The following DCLK1 variants were observed in gnomAD, a reference collection of about 807,000 sequenced individuals.
DCLK1 encodes serine/threonine-protein kinase DCLK1.
In DCLK1, 16 loss-of-function variants were observed where a neutral mutation model predicts 86.2. That is an observed-to-expected ratio of 0.19 (90% CI 0.13 to 0.28). DCLK1 has a LOEUF of 0.28. DCLK1 is among the 10% of genes least tolerant of loss of function. DCLK1 has a pLI of 1.00. For missense variants in DCLK1, 590 were observed against 940.2 expected, an observed-to-expected ratio of 0.63 and a Z score of 4.87; for synonymous variants, 369 against 370.5, an observed-to-expected ratio of 1.00 and a Z score of 0.05.
chr13:36,040,672 G>A (rs890803524), intron 3 of DCLK1, among the ~76,000 whole-genome samples: 5 of 151,802 alleles, frequency 3.3e-5, no homozygotes, highest in African/African-American at 1.2e-4. Context: ...TTAAGGAGTG[G>A]GGAGTTATGT....
intron 3 of DCLK1, among the ~76,000 whole-genome samples, chr13:36,106,519 T>C (rs1289306975): frequency 6.6e-6 from 1 of 152,216 alleles, no homozygotes; most frequent in East Asian, 1.9e-4. Context: ...AACTGTTTTT[T>C]TACTCCAATC....
intron 3 of DCLK1, among the ~76,000 whole-genome samples, chr13:36,097,414 T>A (rs1885056304): frequency 6.6e-6 from 1 of 152,236 alleles, no homozygotes; most frequent in African/African-American, 2.4e-5. Context: ...ATTTTAAAGT[T>A]GACATGTTTT....
chr13:35,972,259 C>G (rs1245975777), intron 3 of DCLK1, among the ~76,000 whole-genome samples: 11 of 152,210 alleles, frequency 7.2e-5, no homozygotes, highest in African/African-American at 2.6e-4. Context: ...AACCATTTGA[C>G]AGGTAGCCTT....
intron 3 of DCLK1, 36 bp downstream of exon 3, chr13:36,111,833 C>T (rs1324665955): frequency 6.4e-7 from 1 of 1,573,530 alleles, no homozygotes; most frequent in South Asian, 1.1e-5. Context: ...TGGTTCTTGC[C>T]TTAAAGTCAA....
intron 3 of DCLK1, among the ~76,000 whole-genome samples, chr13:35,962,074 G>C (rs1229389228): frequency 1.3e-5 from 2 of 152,168 alleles, no homozygotes; most frequent in Admixed American, 1.3e-4. Flanking sequence ...TTCAGCTCAA[G>C]AAGTGTCTAT....
intron 4 of DCLK1, among the ~76,000 whole-genome samples, chr13:35,920,178 C>T (rs150883259): frequency 1.3e-5 from 2 of 152,308 alleles, no homozygotes; most frequent in Admixed American, 6.5e-5. Context: ...CTACTCGTAT[C>T]TGCAACTATG....
chr13:35,781,488 G>A (rs1196270001), intron 16 of DCLK1, among the ~76,000 whole-genome samples: 10 of 152,108 alleles, frequency 6.6e-5, no homozygotes, highest in Non-Finnish European at 4.4e-5. Context: ...ACAGTCTATG[G>A]ACCAAACATG....
At chr13:35,846,689 T>C in intron 6 of DCLK1, 1 of 985,352 alleles carries the variant, frequency 1.0e-6, no homozygotes, top group South Asian at 4.7e-5. Context: ...ACTATGCCTC[T>C]GTGCAATATT....
chr13:35,863,484 T>C (rs1185834462), intron 5 of DCLK1, among the ~76,000 whole-genome samples: 1 of 152,204 alleles, frequency 6.6e-6, no homozygotes, highest in East Asian at 1.9e-4. Flanking sequence ...AGAGTATCTT[T>C]GGAGGTTCTG....
chr13:35,894,633 C>T (rs967697410), intron 4 of DCLK1, among the ~76,000 whole-genome samples: 9 of 152,300 alleles, frequency 5.9e-5, no homozygotes, highest in African/African-American at 1.4e-4. Flanking sequence ...GGGAAGACAA[C>T]GCCAGAAGGT....
rs796929367 is a variant in DCLK1, at chr13:35,811,834, G to GA, written c.1555-867dup. Among the ~76,000 whole-genome samples, 873 of 138,420 alleles carry GA rather than the reference G, an allele frequency of 6.3e-3. 6 individuals are homozygous for GA. Among genetic ancestry groups the GA allele is most frequent in the South Asian group, 0.021 (93 of 4,438 alleles). 90.8% of individuals were successfully genotyped at this position (138,420 alleles called of 152,430 possible). On this transcript the variant is annotated intron_variant, in intron 11 of 16. Transcript: ENST00000360631. ...GGGCAACAAGAGCGAAAATCTGTCT[G>GA]AAAAAAAAAAAGAAAGAAACTTTAA...
intron 3 of DCLK1, among the ~76,000 whole-genome samples, chr13:35,959,432 C>A (rs975965507): frequency 1.3e-5 from 2 of 152,152 alleles, no homozygotes; most frequent in Non-Finnish European, 2.9e-5. Context: ...GGGGACTGCA[C>A]TGACCTGGAA....
At chr13:35,812,387 C>T (rs1385387460) in intron 11 of DCLK1, among the ~76,000 whole-genome samples, 2 of 152,172 alleles carry the variant, frequency 1.3e-5, no homozygotes, top group South Asian at 2.1e-4. Flanking sequence ...TCCAGCAAGC[C>T]GAGGCTTGCA....
chr13:35,979,409 G>A (rs528829354), intron 3 of DCLK1, among the ~76,000 whole-genome samples: 4 of 152,256 alleles, frequency 2.6e-5, no homozygotes, highest in South Asian at 4.1e-4. Flanking sequence ...GGGGTGAGGC[G>A]CAGAAAGCTT....
At chr13:36,050,626 G>A (rs911436375) in intron 3 of DCLK1, among the ~76,000 whole-genome samples, 4 of 152,078 alleles carry the variant, frequency 2.6e-5, no homozygotes, top group African/African-American at 4.8e-5. Context: ...TATTTCATTC[G>A]TTTTTTAAAT....
At chr13:35,939,017 G>A (rs1420538044) in intron 4 of DCLK1, among the ~76,000 whole-genome samples, 2 of 152,110 alleles carry the variant, frequency 1.3e-5, no homozygotes, top group African/African-American at 4.8e-5. Context: ...TGTCTCCAAG[G>A]TGCAGTACTC....
intron 3 of DCLK1, among the ~76,000 whole-genome samples, chr13:36,017,943 T>G (rs1881609043): frequency 6.6e-6 from 1 of 152,196 alleles, no homozygotes; most frequent in Non-Finnish European, 1.5e-5. Context: ...AAGATTCAGT[T>G]TCCCAAGCAC....
rs571641767 is a variant in DCLK1 at position 36,032,523 on chromosome 13, G to T, written c.723+79346C>A. Reference sequence around the variant, plus strand: ...ATTTGAGATTCATGCCATGCCATTCGGTTTGGCTCTTAGAACTGCTTTCTA... The same window carrying T: ...ATTTGAGATTCATGCCATGCCATTCTGTTTGGCTCTTAGAACTGCTTTCTA... On this transcript the variant is annotated intron_variant, in intron 3 of 16. Coordinates refer to ENST00000360631, the MANE Select transcript of DCLK1 (RefSeq NM_001330071.2). Among the ~76,000 whole-genome samples, 16 of 152,262 alleles carry T rather than the reference G, an allele frequency of 1.1e-4. No homozygotes were observed. In the East Asian group the frequency reaches 3.1e-3, roughly 29 times the overall value.
chr13:35,825,696 G>C (rs2087504270), intron 10 of DCLK1, among the ~76,000 whole-genome samples: 1 of 152,150 alleles, frequency 6.6e-6, no homozygotes, highest in African/African-American at 2.4e-5. Flanking sequence ...GTTGTAAAAA[G>C]ACTCCTTGGT....
Sources: gnomAD v4.1 joint callset for allele counts (sites outside exome capture counted in the v4.1 genomes callset) on GRCh38, gnomAD v4.1.1 for gene constraint, MANE v1.5 for transcripts, NCBI Gene and HGNC (gene_info 2026-07-23, HGNC 2026-07-21) for gene names.